RPL28: variants seen among roughly 807,000 people sequenced by gnomAD.
RPL28 encodes the protein ribosomal protein L28, also known as large ribosomal subunit protein eL28.
RPL28 carries 4 observed loss-of-function variants against 12.5 expected under a neutral mutation model. The observed-to-expected ratio is 0.32, with a 90% CI of 0.16 to 0.73. RPL28 has a LOEUF of 0.73. Ranked by LOEUF, RPL28 falls within the 30% of genes least tolerant of loss-of-function variation. The pLI is 0.66. For missense variants in RPL28, 214 were observed against 197.7 expected, an observed-to-expected ratio of 1.08 and a Z score of -0.49; for synonymous variants, 91 against 72.5, an observed-to-expected ratio of 1.26 and a Z score of -1.30.
At chr19:55,396,354 A>T (rs2090022076), downstream of RPL28, among the ~76,000 whole-genome samples, 1 of 151,716 alleles carries the variant, frequency 6.6e-6, no homozygotes, top group African/African-American at 2.4e-5. Context: ...ACACTTAAAA[A>T]ATCATAAAAC....
At chr19:55,393,157 G>C (rs1351008982), downstream of RPL28, among the ~76,000 whole-genome samples, 2 of 151,204 alleles carry the variant, frequency 1.3e-5, no homozygotes, top group African/African-American at 4.9e-5. Flanking sequence ...CCGCTCCCCT[G>C]CTGTCCCTCC....
At chr19:55,393,452 A>G (rs1191147706), downstream of RPL28, among the ~76,000 whole-genome samples, 1 of 152,074 alleles carries the variant, frequency 6.6e-6, no homozygotes, top group Non-Finnish European at 1.5e-5. Context: ...TTCACGTAAC[A>G]TAAAGTCCAC....
At chr19:55,392,450 C>G (rs1383225761), downstream of RPL28, among the ~76,000 whole-genome samples, 1 of 152,090 alleles carries the variant, frequency 6.6e-6, no homozygotes, top group South Asian at 2.1e-4. Context: ...CCAGGCTGGT[C>G]CTGAAGTCCT....
In RPL28 at chr19:55,388,583, G is replaced by T. The variant is rs934153500; in HGVS notation, c.*251G>T. On this transcript the variant is annotated 3_prime_UTR_variant, in exon 5 of 5. Transcript: ENST00000344063. Reference sequence around the variant, plus strand: ...CTTCACAGAAAAAGTTTGCTGACTTGTGATTGAGACCTACTGTCCCATTGT... The same window carrying T: ...CTTCACAGAAAAAGTTTGCTGACTTTTGATTGAGACCTACTGTCCCATTGT... 3 of 1,248,228 alleles carry T rather than the reference G, an allele frequency of 2.4e-6. No homozygotes were observed. The highest frequency in any genetic ancestry group is 3.1e-5 in the African/African-American group (2 of 64,650). The allele number at this position is 1,248,228 out of a possible 1,614,324, so 77.3% of individuals were successfully genotyped here.
chr19:55,394,097 C>T (rs184195791), downstream of RPL28, among the ~76,000 whole-genome samples: 1 of 152,130 alleles, frequency 6.6e-6, no homozygotes, highest in Admixed American at 6.5e-5. Context: ...CCTATCTATA[C>T]TAAAAATACT....
chr19:55,389,605 C>T lies in RPL28; in HGVS notation c.*1273C>T, dbSNP rs1031257732. 15 of 985,376 alleles carry T rather than the reference C, an allele frequency of 1.5e-5. 1 individual carries two copies. The South Asian group carries it at 6.6e-4, about 43-fold the overall frequency. 61.0% of individuals were successfully genotyped at this position (985,376 alleles called of 1,614,324 possible). Reference sequence around the variant, plus strand: ...GTTGGGGTCGTACGGGGCTGGGAGCCCTGCGTTTTGAGGCAGACCACTGCC... The same window carrying T: ...GTTGGGGTCGTACGGGGCTGGGAGCTCTGCGTTTTGAGGCAGACCACTGCC... On this transcript the variant is annotated 3_prime_UTR_variant, in exon 5 of 5. Coordinates refer to ENST00000344063, the MANE Select transcript of RPL28 (RefSeq NM_000991.5).
In RPL28 at chr19:55,390,047, A is replaced by G. The variant is rs1600306095; in HGVS notation, c.*1715A>G. The G allele has an allele frequency of 1.0e-6, 1 of 985,534 alleles. No homozygotes were observed. The highest frequency in any genetic ancestry group is 4.7e-5 in the South Asian group (1 of 21,292). The allele number at this position is 985,534 out of a possible 1,614,324, so 61.0% of individuals were successfully genotyped here. A position where few individuals can be genotyped will look rare whatever the true frequency, so the allele number is the denominator to read the frequency against. Reference sequence around the variant, plus strand: ...GGCACCTGCTTCAGTTGTCCTCCACAGCACTGATTTGCAGCCCACAAGCTG... The same window carrying G: ...GGCACCTGCTTCAGTTGTCCTCCACGGCACTGATTTGCAGCCCACAAGCTG... On this transcript the variant is annotated 3_prime_UTR_variant, in exon 5 of 5. Coordinates refer to ENST00000344063, the MANE Select transcript of RPL28 (RefSeq NM_000991.5).
At chr19:55,386,911 T>C (rs556479460) in intron 3 of RPL28, 5 of 1,493,070 alleles carry the variant, frequency 3.3e-6, no homozygotes, top group South Asian at 2.6e-5. Context: ...AGTGGAGAAA[T>C]GAAAAAGGAC....
downstream of RPL28, chr19:55,392,208 A>G (rs1242925876): frequency 1.5e-6 from 1 of 655,230 alleles, no homozygotes; most frequent in Non-Finnish European, 1.9e-6. Flanking sequence ...CTTTTTGGAA[A>G]CTTCACACAT....
rs746669366 is a variant in RPL28 at position 55,401,521 on chromosome 19, A to G, written c.325-1422A>G. 7 of 1,610,280 alleles carry G rather than the reference A, an allele frequency of 4.3e-6. No homozygotes were observed. In the South Asian group the frequency reaches 6.6e-5, roughly 15 times the overall value. On this transcript the variant is annotated intron_variant, in intron 4 of 4. Transcript: ENST00000560055. ...GCGCTCGCCAGCATGCTTCTTGGCC[A>G]TGGGACCCTCAGCCCCTCCCGGGCC...
At chr19:55,401,151 G>A in intron 4 of RPL28, 1 of 492,928 alleles carries the variant, frequency 2.0e-6, no homozygotes, top group Non-Finnish European at 3.6e-6. Context: ...CAGCAAGGCT[G>A]GTGAGCTAGA....
chr19:55,391,788 C>A lies in RPL28; in HGVS notation c.*3456C>A. On this transcript the variant is annotated 3_prime_UTR_variant, in exon 5 of 5. Transcript: ENST00000344063. ...TTTATAAATATTTTGATCAGATGGA[C>A]TCATGATCACAGATGTCTTCACATG... 1 of 1,323,552 alleles carries A rather than the reference C, an allele frequency of 7.6e-7. No homozygotes were observed. Among genetic ancestry groups the A allele is most frequent in the South Asian group, 1.4e-5 (1 of 70,546 alleles). 82.0% of individuals were successfully genotyped at this position (1,323,552 alleles called of 1,614,324 possible).
At chr19:55,397,648 G>T (rs911194695) in intron 4 of RPL28, among the ~76,000 whole-genome samples, 4 of 152,014 alleles carry the variant, frequency 2.6e-5, no homozygotes, top group Non-Finnish European at 5.9e-5. Context: ...CCAAAGTGCT[G>T]GGATTATAGG....
Position 55,389,833 on chromosome 19 carries a change from A to T in RPL28, c.*1501A>T, listed in dbSNP as rs28372059. On this transcript the variant is annotated 3_prime_UTR_variant, in exon 5 of 5. Coordinates refer to ENST00000344063, the MANE Select transcript of RPL28 (RefSeq NM_000991.5). The stretch of plus-strand genomic sequence containing the variant: ...GCTCAGGACCCCCCGCACTGTCCCA[A>T]TCCCACTCAGGCCCACCTCCAGCTG... 7.1e-6 allele frequency: 7 copies of T among 984,394 alleles called. No homozygotes were observed. Among genetic ancestry groups the T allele is most frequent in the South Asian group, 4.7e-5 (1 of 21,246 alleles). 61.0% of individuals were successfully genotyped at this position (984,394 alleles called of 1,614,324 possible).
At chr19:55,400,235 C>T (rs989660990) in intron 4 of RPL28, 23 of 152,200 alleles carry the variant, frequency 1.5e-4, no homozygotes, top group African/African-American at 4.6e-4. Context: ...GTGTTGCCCA[C>T]GTTCGTCTTT....
intron 4 of RPL28, among the ~76,000 whole-genome samples, chr19:55,402,594 G>A (rs1373197554): frequency 6.6e-6 from 1 of 152,184 alleles, no homozygotes; most frequent in African/African-American, 2.4e-5. Flanking sequence ...CTCAGCAGAT[G>A]CTCAGCAGAT....
chr19:55,403,049 T>C (rs1249165932), exon 5 of RPL28: 3 of 1,429,308 alleles, frequency 2.1e-6, no homozygotes, highest in South Asian at 1.2e-5. Flanking sequence ...TTCTGTGTCA[T>C]GGAGCCATCT....
rs555224521 is a variant in RPL28 at position 55,389,121 on chromosome 19, A to G, written c.*789A>G. On this transcript the variant is annotated 3_prime_UTR_variant, in exon 5 of 5. Transcript: ENST00000344063. ...GTTTCCTTTGGCCTGTTTGCTCCCT[A>G]GTGTTTATTACAGCTTGTGAGGCCA... The G allele has an allele frequency of 3.0e-6, 3 of 985,278 alleles. No individual in the cohort carries two copies. The South Asian group carries it at 1.4e-4, about 46-fold the overall frequency. The allele number at this position is 985,278 out of a possible 1,614,324, so 61.0% of individuals were successfully genotyped here.
chr19:55,388,435 C>T lies in RPL28; in HGVS notation c.*103C>T, dbSNP rs2089957937. On this transcript the variant is annotated 3_prime_UTR_variant, in exon 5 of 5. Coordinates refer to ENST00000344063, the MANE Select transcript of RPL28 (RefSeq NM_000991.5). ...GGGGAGCTCTGGCCCTGTGTGTTGTCATTCAGGCCATGTCATCAAAACTCT... is the reference window on the plus strand; with the variant it reads ...GGGGAGCTCTGGCCCTGTGTGTTGTTATTCAGGCCATGTCATCAAAACTCT... 3.7e-6 allele frequency: 5 copies of T among 1,368,422 alleles called. No individual in the cohort carries two copies. Among genetic ancestry groups the T allele is most frequent in the Non-Finnish European group, 3.8e-6 (4 of 1,055,574 alleles). 84.8% of individuals were successfully genotyped at this position (1,368,422 alleles called of 1,614,324 possible).
Sources: allele counts gnomAD v4.1 joint callset (sites outside exome capture counted in the v4.1 genomes callset), GRCh38; gene constraint gnomAD v4.1.1; transcripts MANE v1.5; gene names NCBI Gene and HGNC (gene_info 2026-07-23, HGNC 2026-07-21).